JMY: variants seen among roughly 807,000 people sequenced by gnomAD.
The protein encoded by JMY is junction-mediating and -regulatory protein.
A neutral mutation model predicts 103.3 loss-of-function variants in JMY; 46 were observed. That is an observed-to-expected ratio of 0.45 (90% CI 0.35 to 0.57). The LOEUF is 0.57. Ranked by LOEUF, JMY falls within the 20% of genes least tolerant of loss-of-function variation. JMY has a pLI of 0.00. For missense variants in JMY, 1,238 were observed against 1,255.2 expected (o/e 0.99, Z 0.21); for synonymous variants, 526 against 489.3 (o/e 1.07, Z -0.99).
At chr5:79,259,217 A>G (rs924007296) in intron 1 of JMY, among the ~76,000 whole-genome samples, 24 of 152,196 alleles carry the variant, frequency 1.6e-4, no homozygotes, top group African/African-American at 5.8e-4. Flanking sequence ...AGGGTAGTTC[A>G]TCTCTCCAGC....
At chr5:79,254,027 A>G (rs954016481) in intron 1 of JMY, among the ~76,000 whole-genome samples, 4 of 150,038 alleles carry the variant, frequency 2.7e-5, no homozygotes, top group African/African-American at 9.9e-5. Context: ...GGCTCACTGC[A>G]ACCTCCTCCT....
intron 3 of JMY, 58 bp from the exon 4 acceptor site, chr5:79,291,072 A>G (rs1746405915): frequency 8.3e-7 from 1 of 1,203,870 alleles, no homozygotes; most frequent in Non-Finnish European, 1.1e-6. Context: ...ATCTTTTTCA[A>G]ATGCTTCAGT....
chr5:79,294,530 T>C (rs1224063547), intron 4 of JMY, among the ~76,000 whole-genome samples: 1 of 152,218 alleles, frequency 6.6e-6, no homozygotes, highest in African/African-American at 2.4e-5. Flanking sequence ...GAAAACCCTT[T>C]AGATTCCAAT....
intron 1 of JMY, among the ~76,000 whole-genome samples, chr5:79,260,688 GC>G (rs1269539785): frequency 6.6e-6 from 1 of 151,620 alleles, no homozygotes. Context: ...ACCACACCTG[GC>G]CCCAGATTTT....
Position 79,322,299 on chromosome 5 carries a change from T to A in JMY, c.*697T>A, listed in dbSNP as rs1014265132. 6.6e-6 allele frequency: 1 copy of A among 152,236 alleles called. No homozygotes were observed. Among genetic ancestry groups the A allele is most frequent in the Non-Finnish European group, 1.5e-5 (1 of 68,034 alleles). The allele number at this position is 152,236 out of a possible 1,614,324, so 9.4% of individuals were successfully genotyped here. A position where few individuals can be genotyped will look rare whatever the true frequency, so the allele number is the denominator to read the frequency against. On this transcript the variant is annotated 3_prime_UTR_variant, in exon 11 of 11. Transcript: ENST00000396137. Reference sequence around the variant, plus strand: ...TTGTAAGGTTTTGAAGTTTCCGTGCTTTTAAATCACTCTTCATATTTCTTG... The same window carrying A: ...TTGTAAGGTTTTGAAGTTTCCGTGCATTTAAATCACTCTTCATATTTCTTG...
intron 1 of JMY, among the ~76,000 whole-genome samples, chr5:79,253,424 T>G (rs1478050982): frequency 6.6e-6 from 1 of 151,748 alleles, no homozygotes; most frequent in Non-Finnish European, 1.5e-5. Context: ...TCCTGAGTAG[T>G]TGGGATTACA....
intron 1 of JMY, among the ~76,000 whole-genome samples, chr5:79,272,068 C>CA (rs1405530490): frequency 6.7e-6 from 1 of 150,102 alleles, no homozygotes; most frequent in African/African-American, 2.5e-5. Context: ...GCTGAGATCA[C>CA]ACCACTGCAC....
chr5:79,237,204 C>T lies in JMY; in HGVS notation c.554C>T (p.Ala185Val). 1.3e-6 allele frequency: 2 copies of T among 1,550,450 alleles called. No individual in the cohort carries two copies. Among genetic ancestry groups the T allele is most frequent in the East Asian group, 4.9e-5 (2 of 40,912 alleles). ...GTGTCCTCTGTACGGATAGTGAGCG[C>T]CTCTGGGACGGTCTCCGAGGAGATA... ...AQVSSVRIVS[A>V]SGTVSEEIEV... The change falls in exon 1 of 11, where the codon GCC (alanine) becomes GTC (valine). Residue 185 changes from alanine to valine, a missense_variant. By Grantham distance (64) the Ala-to-Val change is moderately conservative. Coordinates refer to ENST00000396137, the MANE Select transcript of JMY (RefSeq NM_152405.5).
rs953833241 is a variant in JMY at position 79,315,250 on chromosome 5, A to G, written c.2659+399A>G. 2.8e-4 allele frequency among the ~76,000 whole-genome samples: 43 copies of G among 152,244 alleles called. 1 individual carries two copies. The highest frequency in any genetic ancestry group is 1.3e-4 in the Non-Finnish European group (9 of 68,038). Reference sequence around the variant, plus strand: ...GCAGGATCATGTAACATTTGTTCATACATTTGTTGAGGACTTTTGTGTATT... The same window carrying G: ...GCAGGATCATGTAACATTTGTTCATGCATTTGTTGAGGACTTTTGTGTATT... On this transcript the variant is annotated intron_variant, in intron 9 of 10. Transcript: ENST00000396137.
chr5:79,315,934 T>TA, intron 9 of JMY, 66 bp from the exon 10 acceptor site: 1 of 1,383,576 alleles, frequency 7.2e-7, no homozygotes, highest in South Asian at 1.3e-5. Context: ...ACGGTAGAGG[T>TA]TATACAGTTT....
chr5:79,256,581 A>C (rs560995252), intron 1 of JMY, among the ~76,000 whole-genome samples: 2 of 152,198 alleles, frequency 1.3e-5, no homozygotes, highest in South Asian at 4.1e-4. Context: ...TAACTTAAAA[A>C]ATGTTTTTTA....
intron 2 of JMY, among the ~76,000 whole-genome samples, chr5:79,288,691 A>G (rs566140012): frequency 1.2e-3 from 173 of 148,984 alleles, no homozygotes; most frequent in African/African-American, 4.0e-3. Context: ...TTTTTTTGGT[A>G]TTCTAATTCT....
At chr5:79,250,609 T>C (rs1275534309) in intron 1 of JMY, among the ~76,000 whole-genome samples, 2 of 151,594 alleles carry the variant, frequency 1.3e-5, no homozygotes, top group Admixed American at 6.6e-5. Context: ...ATTTAATAAA[T>C]AGATCTTGTG....
At chr5:79,320,473 C>G (rs763421198) in intron 10 of JMY, among the ~76,000 whole-genome samples, 2 of 151,888 alleles carry the variant, frequency 1.3e-5, no homozygotes, top group Non-Finnish European at 2.9e-5. Flanking sequence ...CCATGCCCAG[C>G]TAATTTTTTT....
At chr5:79,258,102 A>G (rs373796352) in intron 1 of JMY, among the ~76,000 whole-genome samples, 1 of 152,228 alleles carries the variant, frequency 6.6e-6, no homozygotes, top group African/African-American at 2.4e-5. Context: ...CAGAGTGTGT[A>G]TGTACATTTT....
In JMY at chr5:79,326,244, A is replaced by C. The variant is rs186879415; in HGVS notation, c.*4642A>C. Reference sequence around the variant, plus strand: ...ACTAAGAGTGGCTAAATTTGGGGGAATTGGTGGATAGGAAAGACCTTGAAA... The same window carrying C: ...ACTAAGAGTGGCTAAATTTGGGGGACTTGGTGGATAGGAAAGACCTTGAAA... On this transcript the variant is annotated 3_prime_UTR_variant, in exon 11 of 11. Coordinates refer to ENST00000396137, the MANE Select transcript of JMY (RefSeq NM_152405.5). The C allele has an allele frequency of 6.6e-6, 1 of 152,150 alleles. No individual in the cohort carries two copies. The highest frequency in any genetic ancestry group is 2.4e-5 in the African/African-American group (1 of 41,562). 9.4% of individuals were successfully genotyped at this position (152,150 alleles called of 1,614,324 possible). A position where few individuals can be genotyped will look rare whatever the true frequency, so the allele number is the denominator to read the frequency against.
In JMY at chr5:79,316,269, G is replaced by A. The variant is rs1229135628; in HGVS notation, c.2929G>A (p.Glu977Lys). The change falls in exon 10 of 11, where the codon GAA (glutamate) becomes AAA (lysine). Residue 977 changes from glutamate to lysine, a missense_variant. Glu to Lys is a moderately conservative substitution (Grantham distance 56, BLOSUM62 1). Coordinates refer to ENST00000396137, the MANE Select transcript of JMY (RefSeq NM_152405.5). ...AGAAGCATCCCCAGAGTCAGAGGAC[G>A]AAGAGGAGGCTTTACCTTGCACAGA... The part of the protein sequence containing the change: ...IKEASPESED[E>K]EEALPCTDWE... 2 of 1,613,162 alleles carry A rather than the reference G, an allele frequency of 1.2e-6. No homozygotes were observed. The highest frequency in any genetic ancestry group is 1.7e-6 in the Non-Finnish European group (2 of 1,179,534).
chr5:79,322,972 A>AAAAAG lies in JMY; in HGVS notation c.*1374_*1378dup, dbSNP rs1273742059. ...TATATGAATTGGTATTCCTAGAGAA[A>AAAAAG]AAAAGAAATGCTCACACCTTTGTTA... On this transcript the variant is annotated 3_prime_UTR_variant, in exon 11 of 11. Transcript: ENST00000396137. 5 of 152,260 alleles carry AAAAAG rather than the reference A, an allele frequency of 3.3e-5. No homozygotes were observed. The highest frequency in any genetic ancestry group is 7.3e-5 in the Non-Finnish European group (5 of 68,046). The allele number at this position is 152,260 out of a possible 1,614,324, so 9.4% of individuals were successfully genotyped here. A position where few individuals can be genotyped will look rare whatever the true frequency, so the allele number is the denominator to read the frequency against.
intron 5 of JMY, 127 bp downstream of exon 5, chr5:79,300,445 G>C: frequency 1.1e-6 from 1 of 929,328 alleles, no homozygotes; most frequent in South Asian, 2.0e-5. Context: ...AGAGTGTGGG[G>C]GGGTGATTTC....
Sources: gnomAD v4.1 joint callset for allele counts (sites outside exome capture counted in the v4.1 genomes callset) on GRCh38, gnomAD v4.1.1 for gene constraint, MANE v1.5 for transcripts, NCBI Gene and HGNC (gene_info 2026-07-23, HGNC 2026-07-21) for gene names.